The following EEIG2 variants were observed in gnomAD, a reference collection of about 807,000 sequenced individuals.
The protein encoded by EEIG2 is family with sequence similarity 102 member B.
the EEIG2 span, among the ~76,000 whole-genome samples, chr1:108,621,968 C>T: frequency 6.6e-6 from 1 of 152,162 alleles, no homozygotes; most frequent in African/African-American, 2.4e-5. Context: ...ACCAGCCTGG[C>T]CAACATGGCG....
At chr1:108,638,898 C>T in the EEIG2 span, 1 of 152,114 alleles carries the variant, frequency 6.6e-6, no homozygotes, top group Non-Finnish European at 1.5e-5. Flanking sequence ...TAGTTACTCC[C>T]CATACAACAA....
the EEIG2 span, among the ~76,000 whole-genome samples, chr1:108,593,980 A>T: frequency 6.6e-6 from 1 of 151,444 alleles, no homozygotes; most frequent in African/African-American, 2.4e-5. Flanking sequence ...TAATTTTTAT[A>T]TTTTTTTTGT....
the EEIG2 span, among the ~76,000 whole-genome samples, chr1:108,621,521 T>G: frequency 6.6e-6 from 1 of 152,032 alleles, no homozygotes; most frequent in Non-Finnish European, 1.5e-5. Flanking sequence ...GGGTGCCAAA[T>G]TGAAGGTGTT....
chr1:108,567,904 T>A, the EEIG2 span, among the ~76,000 whole-genome samples: 4 of 151,910 alleles, frequency 2.6e-5, no homozygotes, highest in Non-Finnish European at 4.4e-5. Context: ...GAGACTGAGG[T>A]GGGAGAATCT....
At chr1:108,590,856 A>G in the EEIG2 span, among the ~76,000 whole-genome samples, 1 of 152,210 alleles carries the variant, frequency 6.6e-6, no homozygotes, top group African/African-American at 2.4e-5. Context: ...TAAGTAATGC[A>G]TTTTGCTGGT....
the EEIG2 span, among the ~76,000 whole-genome samples, chr1:108,573,259 C>T: frequency 6.6e-6 from 1 of 152,260 alleles, no homozygotes; most frequent in South Asian, 2.1e-4. Context: ...ATGATTTACC[C>T]AACATTATAC....
chr1:108,564,143 C>T, the EEIG2 span, among the ~76,000 whole-genome samples: 857 of 152,186 alleles, frequency 5.6e-3, 8 homozygotes, highest in African/African-American at 0.019. Context: ...ATGAGAGTTG[C>T]TTTCTACTGC....
chr1:108,602,370 G>A, the EEIG2 span, among the ~76,000 whole-genome samples: 3 of 152,232 alleles, frequency 2.0e-5, no homozygotes, highest in South Asian at 4.2e-4. Context: ...AGTGCTGGGG[G>A]AGAAACTCTC....
the EEIG2 span, among the ~76,000 whole-genome samples, chr1:108,598,991 C>G: frequency 1.3e-5 from 2 of 151,922 alleles, no homozygotes; most frequent in Non-Finnish European, 2.9e-5. Context: ...CATAGAGAGA[C>G]CCATCTTTAC....
the EEIG2 span, among the ~76,000 whole-genome samples, chr1:108,609,602 G>T: frequency 6.6e-6 from 1 of 152,210 alleles, no homozygotes; most frequent in Non-Finnish European, 1.5e-5. Flanking sequence ...AGGCCTTGAA[G>T]TGATCTTGGC....
the EEIG2 span, among the ~76,000 whole-genome samples, chr1:108,574,540 C>A: frequency 6.6e-6 from 1 of 152,164 alleles, no homozygotes; most frequent in African/African-American, 2.4e-5. Flanking sequence ...CGCCTGAGAT[C>A]AGGAGTTCAA....
chr1:108,636,380 C>T, the EEIG2 span: 3 of 152,116 alleles, frequency 2.0e-5, no homozygotes, highest in African/African-American at 7.2e-5. Context: ...ACCAGTAATT[C>T]CCCAATTCTT....
At chr1:108,639,238 T>C in the EEIG2 span, 1 of 152,020 alleles carries the variant, frequency 6.6e-6, no homozygotes, top group East Asian at 1.9e-4. Flanking sequence ...TTCCTTTTTT[T>C]TTTTTTTTTA....
At chr1:108,580,311 TC>T in the EEIG2 span, among the ~76,000 whole-genome samples, 2 of 152,060 alleles carry the variant, frequency 1.3e-5, no homozygotes. Context: ...TCATCTCCCT[TC>T]CCCTTCTGGG....
the EEIG2 span, chr1:108,600,666 T>C: frequency 6.2e-7 from 1 of 1,610,830 alleles, no homozygotes; most frequent in Non-Finnish European, 8.5e-7. Flanking sequence ...TCCTTGTATC[T>C]ACAGAGTATC....
chr1:108,610,484 T>C, the EEIG2 span, among the ~76,000 whole-genome samples: 1 of 152,126 alleles, frequency 6.6e-6, no homozygotes, highest in Non-Finnish European at 1.5e-5. Context: ...GAAAGCGATG[T>C]TGGAGGGTCA....
the EEIG2 span, among the ~76,000 whole-genome samples, chr1:108,589,005 T>C: frequency 6.6e-6 from 1 of 152,164 alleles, no homozygotes; most frequent in East Asian, 1.9e-4. Flanking sequence ...GTGCTATGTT[T>C]TTATATGAAA....
chr1:108,628,411 C>T, the EEIG2 span: 2 of 1,613,822 alleles, frequency 1.2e-6, no homozygotes, highest in African/African-American at 2.7e-5. Flanking sequence ...GCACGTGTCA[C>T]TCCCGGTCAT....
the EEIG2 span, chr1:108,560,344 T>C: frequency 2.8e-6 from 3 of 1,067,868 alleles, no homozygotes; most frequent in Non-Finnish European, 3.5e-6. Context: ...GCCCCGGCCA[T>C]GGGGCTGGGC....
Sources: gnomAD v4.1 joint callset for allele counts (sites outside exome capture counted in the v4.1 genomes callset) on GRCh38, gnomAD v4.1.1 for gene constraint, MANE v1.5 for transcripts, NCBI Gene and HGNC (gene_info 2026-07-23, HGNC 2026-07-21) for gene names.